Variants in SIPA1L1 observed in about 807,000 individuals in gnomAD.
The protein encoded by SIPA1L1 is signal-induced proliferation-associated 1-like protein 1.
A neutral mutation model predicts 162.7 loss-of-function variants in SIPA1L1; 26 were observed. The observed-to-expected ratio is 0.16, with a 90% CI of 0.12 to 0.22. The LOEUF is 0.22. Ranked by LOEUF, SIPA1L1 falls within the 10% of genes least tolerant of loss-of-function variation. SIPA1L1 has a pLI of 1.00. For synonymous variants in SIPA1L1, 829 were observed against 837.4 expected (o/e 0.99, Z 0.17); for missense variants, 1,874 against 2,241.0 (o/e 0.84, Z 3.31).
chr14:71,558,897 T>A (rs2056563688), intron 4 of SIPA1L1, among the ~76,000 whole-genome samples: 1 of 152,156 alleles, frequency 6.6e-6, no homozygotes, highest in African/African-American at 2.4e-5. Context: ...TTGCCAAGGC[T>A]GATCTCAAGC....
chr14:71,330,922 T>A (rs2140276161), intron 2 of SIPA1L1, among the ~76,000 whole-genome samples: 1 of 152,378 alleles, frequency 6.6e-6, no homozygotes, highest in Admixed American at 6.5e-5. Flanking sequence ...TTTTTTAGTT[T>A]GATGCAGTCC....
At chr14:71,500,068 C>CT (rs1352569520) in intron 2 of SIPA1L1, among the ~76,000 whole-genome samples, 2 of 151,986 alleles carry the variant, frequency 1.3e-5, no homozygotes, top group African/African-American at 4.8e-5. Flanking sequence ...CTAAACATTC[C>CT]TTTTTTTGAC....
chr14:71,672,689 C>T, intron 12 of SIPA1L1, 67 bp downstream of exon 12: 1 of 1,525,514 alleles, frequency 6.6e-7, no homozygotes, highest in Non-Finnish European at 9.0e-7. Context: ...TGTAGAACAT[C>T]TCTTAGCAGG....
At chr14:71,681,734 G>A (rs1354640643) in intron 12 of SIPA1L1, among the ~76,000 whole-genome samples, 1 of 152,172 alleles carries the variant, frequency 6.6e-6, no homozygotes, top group Non-Finnish European at 1.5e-5. Flanking sequence ...TGACTCGTGA[G>A]TCCAGTGTTG....
intron 2 of SIPA1L1, among the ~76,000 whole-genome samples, chr14:71,386,247 T>C (rs761660559): frequency 2.8e-4 from 43 of 152,188 alleles, no homozygotes; most frequent in Non-Finnish European, 1.5e-4. Flanking sequence ...GTCCCAAAGC[T>C]GAAGAACTTG....
intron 7 of SIPA1L1, among the ~76,000 whole-genome samples, chr14:71,631,115 G>A (rs978992037): frequency 4.6e-5 from 7 of 151,922 alleles, no homozygotes; most frequent in African/African-American, 1.7e-4. Flanking sequence ...GTGAGAACAT[G>A]CAGTGTTTGG....
At chr14:71,445,088 A>C (rs1275130246) in intron 2 of SIPA1L1, among the ~76,000 whole-genome samples, 1 of 152,250 alleles carries the variant, frequency 6.6e-6, no homozygotes, top group Non-Finnish European at 1.5e-5. Flanking sequence ...ACATGTTCAT[A>C]TGAAATAATT....
chr14:71,727,827 G>A (rs947943964), intron 19 of SIPA1L1, among the ~76,000 whole-genome samples: 4 of 152,156 alleles, frequency 2.6e-5, no homozygotes, highest in East Asian at 3.8e-4. Context: ...TGGGGCAAGG[G>A]GCCATCTCAA....
intron 2 of SIPA1L1, among the ~76,000 whole-genome samples, chr14:71,504,521 A>T (rs1013664709): frequency 1.3e-5 from 2 of 152,212 alleles, no homozygotes; most frequent in Admixed American, 6.5e-5. Context: ...ACCAAAAGAT[A>T]CCATATTTTT....
At chr14:71,649,294 T>G (rs779187776) in intron 7 of SIPA1L1, among the ~76,000 whole-genome samples, 3 of 150,606 alleles carry the variant, frequency 2.0e-5, no homozygotes, top group Non-Finnish European at 2.9e-5. Flanking sequence ...CGGGCTCAAA[T>G]GATCCTCGAA....
intron 4 of SIPA1L1, chr14:71,573,422 G>C (rs1244011869): frequency 2.7e-6 from 1 of 372,540 alleles, no homozygotes; most frequent in African/African-American, 2.1e-5. Context: ...TTACATTTCA[G>C]TGGGTGGCGC....
At chr14:71,466,510 G>C (rs2047005969) in intron 2 of SIPA1L1, among the ~76,000 whole-genome samples, 1 of 147,992 alleles carries the variant, frequency 6.8e-6, no homozygotes, top group Admixed American at 6.8e-5. Context: ...AACTCTCAAA[G>C]AAACTAGGAC....
intron 4 of SIPA1L1, among the ~76,000 whole-genome samples, chr14:71,585,971 G>T (rs547354181): frequency 6.6e-6 from 1 of 152,286 alleles, no homozygotes; most frequent in East Asian, 1.9e-4. Flanking sequence ...CACTTGAAGG[G>T]TTATCATTGA....
At chr14:71,547,888 C>A (rs997444676) in intron 4 of SIPA1L1, among the ~76,000 whole-genome samples, 3 of 152,154 alleles carry the variant, frequency 2.0e-5, no homozygotes, top group Non-Finnish European at 4.4e-5. Context: ...AGTAAAAATA[C>A]AACAACCAGC....
rs1380535390 is a variant in SIPA1L1, at chr14:71,685,568, C to T, written c.3311C>T (p.Pro1104Leu). 6.2e-7 allele frequency: 1 copy of T among 1,614,218 alleles called. No homozygotes were observed. Among genetic ancestry groups the T allele is most frequent in the Non-Finnish European group, 8.5e-7 (1 of 1,180,054 alleles). The change falls in exon 13 of 24, where the codon CCT (proline) becomes CTT (leucine). Residue 1104 changes from proline (P) to leucine (L), a missense_variant. By Grantham distance (98) the Pro-to-Leu change is moderately conservative. Transcript: ENST00000381232. ...GGAAAAGGAGATGGGAAGATGCCTCCTCCAGAAAGAGCCGCCAACATCCCT... is the reference window on the plus strand; with the variant it reads ...GGAAAAGGAGATGGGAAGATGCCTCTTCCAGAAAGAGCCGCCAACATCCCT... ...NAGKGDGKMP[P>L]PERAANIPRS... is the part of the protein sequence containing the mutation.
chr14:71,367,607 CTTTTT>C (rs773250069), intron 2 of SIPA1L1, among the ~76,000 whole-genome samples: 1 of 121,068 alleles, frequency 8.3e-6, no homozygotes. Flanking sequence ...CGTGCCCGGC[CTTTTT>C]TTTTTTTTTT....
intron 2 of SIPA1L1, among the ~76,000 whole-genome samples, chr14:71,365,327 A>G (rs1217137270): frequency 6.6e-6 from 1 of 152,044 alleles, no homozygotes; most frequent in Non-Finnish European, 1.5e-5. Context: ...TGGGCCTAGA[A>G]CATCTTGAAT....
At chr14:71,383,917 T>C (rs1056567775) in intron 2 of SIPA1L1, among the ~76,000 whole-genome samples, 15 of 152,234 alleles carry the variant, frequency 9.9e-5, no homozygotes, top group African/African-American at 2.9e-4. Flanking sequence ...CTTTTCCTTA[T>C]GAATTTCTAC....
chr14:71,708,254 A>C (rs1202087631), intron 16 of SIPA1L1, among the ~76,000 whole-genome samples: 1 of 151,502 alleles, frequency 6.6e-6, no homozygotes, highest in African/African-American at 2.4e-5. Context: ...TAGCTTTTAC[A>C]TTTAGATCTT....
Sources: allele counts gnomAD v4.1 joint callset (sites outside exome capture counted in the v4.1 genomes callset), GRCh38; gene constraint gnomAD v4.1.1; transcripts MANE v1.5; gene names NCBI Gene and HGNC (gene_info 2026-07-23, HGNC 2026-07-21).